Variants in SRPK1 observed in about 807,000 individuals in gnomAD.
The protein encoded by SRPK1 is SRSF protein kinase 1.
In SRPK1, 52 loss-of-function variants were observed where a neutral mutation model predicts 89.5. That is an observed-to-expected ratio of 0.58 (90% confidence interval 0.46 to 0.73). SRPK1 has a LOEUF of 0.73. Ranked by LOEUF, SRPK1 falls within the 30% of genes least tolerant of loss-of-function variation. The pLI, the probability that SRPK1 is intolerant of heterozygous loss-of-function variation, is 0.00. For missense variants in SRPK1, 603 were observed against 780.6 expected, an observed-to-expected ratio of 0.77 and a Z score of 2.71; for synonymous variants, 255 against 270.2, an observed-to-expected ratio of 0.94 and a Z score of 0.55.
intron 8 of SRPK1, 63 bp from the exon 9 acceptor site, chr6:35,871,022 CAG>C: frequency 7.3e-7 from 1 of 1,362,792 alleles, no homozygotes; most frequent in Non-Finnish European, 1.0e-6. Context: ...AACTAAGGCT[CAG>C]ATAAAACACT....
At chr6:35,858,029 T>A (rs1386496236) in intron 12 of SRPK1, among the ~76,000 whole-genome samples, 1 of 152,222 alleles carries the variant, frequency 6.6e-6, no homozygotes, top group Non-Finnish European at 1.5e-5. Context: ...TCCTATCACA[T>A]TTGAATATTT....
At chr6:35,867,536 T>G (rs2127243144) in intron 12 of SRPK1, among the ~76,000 whole-genome samples, 1 of 152,238 alleles carries the variant, frequency 6.6e-6, no homozygotes, top group South Asian at 2.1e-4. Context: ...ATAACCTTGG[T>G]CAGGTATGGT....
At chr6:35,900,412 C>G (rs1248522523) in intron 2 of SRPK1, among the ~76,000 whole-genome samples, 1 of 152,192 alleles carries the variant, frequency 6.6e-6, no homozygotes, top group African/African-American at 2.4e-5. Flanking sequence ...TACTGAGTGT[C>G]TGTAGATATC....
intron 6 of SRPK1, among the ~76,000 whole-genome samples, chr6:35,885,767 T>C (rs1412484023): frequency 2.0e-5 from 3 of 152,246 alleles, no homozygotes; most frequent in Non-Finnish European, 2.9e-5. Flanking sequence ...TTGACCTTTA[T>C]AAGCACAGCT....
At chr6:35,854,107 T>C (rs9462137) in intron 13 of SRPK1, among the ~76,000 whole-genome samples, 3,193 of 152,168 alleles carry the variant, frequency 0.021, 123 homozygotes, top group African/African-American at 0.073. Context: ...TGTGCCACCA[T>C]GGCCAGCTAA....
chr6:35,870,713 G>C (rs895041446), intron 9 of SRPK1, among the ~76,000 whole-genome samples: 16 of 152,176 alleles, frequency 1.1e-4, no homozygotes, highest in African/African-American at 3.9e-4. Flanking sequence ...AGCAGTCCGT[G>C]GGGTTGGTTT....
At chr6:35,880,746 A>AAAAAAAGAAAGAAAGAAAGAAAG (rs1770263877) in intron 6 of SRPK1, among the ~76,000 whole-genome samples, 1 of 89,226 alleles carries the variant, frequency 1.1e-5, no homozygotes, top group African/African-American at 4.5e-5. Flanking sequence ...AAAAAAAAAA[A>AAAAAAAGAAAGAAAGAAAGAAAG]AAAAGAAAAG....
At chr6:35,901,754 C>T (rs939996822) in intron 2 of SRPK1, among the ~76,000 whole-genome samples, 6 of 152,116 alleles carry the variant, frequency 3.9e-5, no homozygotes, top group Non-Finnish European at 8.8e-5. Context: ...TGCTAAATTT[C>T]TCCCACTACC....
chr6:35,867,987 T>C (rs1440346445), intron 12 of SRPK1, among the ~76,000 whole-genome samples: 1 of 152,192 alleles, frequency 6.6e-6, no homozygotes, highest in South Asian at 2.1e-4. Flanking sequence ...TTCTTTTTTT[T>C]TGAGATGGGA....
chr6:35,868,756 C>T (rs1769963273), intron 12 of SRPK1, among the ~76,000 whole-genome samples: 1 of 152,104 alleles, frequency 6.6e-6, no homozygotes, highest in Admixed American at 6.6e-5. Flanking sequence ...GTTGACATTA[C>T]TGAATCTGGG....
At chr6:35,872,011 G>A (rs910184590) in intron 8 of SRPK1, among the ~76,000 whole-genome samples, 1 of 152,094 alleles carries the variant, frequency 6.6e-6, no homozygotes, top group Admixed American at 6.5e-5. Context: ...AAAGTGTTGC[G>A]TTACAGGCAT....
chr6:35,883,891 C>T (rs1200281643), intron 6 of SRPK1, among the ~76,000 whole-genome samples: 3 of 151,972 alleles, frequency 2.0e-5, no homozygotes, highest in African/African-American at 4.8e-5. Flanking sequence ...CCTGCCACCA[C>T]GCCCAGCTTT....
Position 35,870,442 on chromosome 6 carries a change from C to A in SRPK1, c.830G>T (p.Arg277Leu). Residue 277 changes from arginine to leucine, a missense_variant, in exon 10 of 16, where the codon CGC becomes CTC. Arg to Leu is a moderately radical substitution (Grantham distance 102, BLOSUM62 -2). Coordinates refer to ENST00000373825, the MANE Select transcript of SRPK1 (RefSeq NM_003137.5). ...KKKKLKKKQKRQAELLEKRMQ... is the reference protein window; with the variant it reads ...KKKKLKKKQKLQAELLEKRMQ... ...TCGCTTCTCTAGTAATTCTGCCTGGCGCTTCTGCTTCTTCTTCAATTTCTT... is the reference window on the plus strand; with the variant it reads ...TCGCTTCTCTAGTAATTCTGCCTGGAGCTTCTGCTTCTTCTTCAATTTCTT... 1 of 1,557,956 alleles carries A rather than the reference C, an allele frequency of 6.4e-7. No individual in the cohort carries two copies. The highest frequency in any genetic ancestry group is 8.7e-7 in the Non-Finnish European group (1 of 1,149,622).
At chr6:35,866,736 T>C (rs1167522430) in intron 12 of SRPK1, among the ~76,000 whole-genome samples, 1 of 152,188 alleles carries the variant, frequency 6.6e-6, no homozygotes, top group African/African-American at 2.4e-5. Flanking sequence ...TGTATGTTTA[T>C]CACAGCACTA....
At chr6:35,867,594 T>C (rs566996150) in intron 12 of SRPK1, among the ~76,000 whole-genome samples, 1 of 152,258 alleles carries the variant, frequency 6.6e-6, no homozygotes, top group South Asian at 2.1e-4. Flanking sequence ...GACGGGCAGA[T>C]CACTTGAGGT....
chr6:35,911,111 T>C (rs1302867903), intron 2 of SRPK1, among the ~76,000 whole-genome samples: 10 of 152,202 alleles, frequency 6.6e-5, no homozygotes, highest in South Asian at 6.2e-4. Context: ...ATAGCTACCA[T>C]AGTGATTCCT....
intron 2 of SRPK1, among the ~76,000 whole-genome samples, chr6:35,893,965 C>G (rs1228765768): frequency 1.3e-5 from 2 of 151,790 alleles, no homozygotes; most frequent in Non-Finnish European, 2.9e-5. Context: ...GAGCCGAGAT[C>G]ATGCCACTGT....
At chr6:35,912,153 T>C (rs995397611) in intron 2 of SRPK1, among the ~76,000 whole-genome samples, 1 of 151,840 alleles carries the variant, frequency 6.6e-6, no homozygotes, top group Non-Finnish European at 1.5e-5. Context: ...GAGGGCAACA[T>C]AATGAGATTC....
intron 13 of SRPK1, among the ~76,000 whole-genome samples, chr6:35,844,505 C>G (rs944499294): frequency 6.6e-6 from 1 of 152,114 alleles, no homozygotes; most frequent in African/African-American, 2.4e-5. Flanking sequence ...TCAGTTTCTG[C>G]AGTTTCATGA....
Sources: allele counts gnomAD v4.1 joint callset (sites outside exome capture counted in the v4.1 genomes callset), GRCh38; gene constraint gnomAD v4.1.1; transcripts MANE v1.5; gene names NCBI Gene and HGNC (gene_info 2026-07-23, HGNC 2026-07-21).